The following CCNY variants were observed in gnomAD, a reference collection of about 807,000 sequenced individuals.
The protein encoded by CCNY is cyclin Y.
A neutral mutation model predicts 42.8 loss-of-function variants in CCNY; 19 were observed. The ratio of observed to expected loss-of-function variants is 0.44; its 90% CI spans 0.31 to 0.65. The LOEUF (loss-of-function observed/expected upper bound fraction) is 0.65. CCNY is among the 30% of genes least tolerant of loss of function. CCNY has a pLI of 0.07. For missense variants in CCNY, 370 were observed against 437.3 expected, an observed-to-expected ratio of 0.85 and a Z score of 1.37; for synonymous variants, 165 against 162.7, an observed-to-expected ratio of 1.01 and a Z score of -0.11.
chr10:35,479,074 T>C (rs1208834738), intron 1 of CCNY, among the ~76,000 whole-genome samples: 1 of 151,968 alleles, frequency 6.6e-6, no homozygotes, highest in Non-Finnish European at 1.5e-5. Context: ...TCACACCAGT[T>C]AGAATGGCAA....
At chr10:35,466,404 C>T (rs567206900) in intron 1 of CCNY, among the ~76,000 whole-genome samples, 2 of 152,166 alleles carry the variant, frequency 1.3e-5, no homozygotes, top group South Asian at 4.2e-4. Context: ...AGAAAGTGTG[C>T]GGTGAAGAGA....
chr10:35,375,323 C>T (rs996072799), intron 1 of CCNY, among the ~76,000 whole-genome samples: 1 of 152,130 alleles, frequency 6.6e-6, no homozygotes, highest in East Asian at 1.9e-4. Flanking sequence ...TGGCTTCAGG[C>T]CCTTCCTCCA....
chr10:35,530,570 T>G lies in CCNY; in HGVS notation c.579+327T>G, dbSNP rs1306770714. On this transcript the variant is annotated intron_variant, in intron 7 of 9. Transcript: ENST00000374704. This position sits in a 1 kb window ranked among gnomAD's most constrained non-coding sequence, Gnocchi z 4.3. ...ATGGCCAAGGTACTCCCTGTATACG[T>G]CTAGGTTTCCTGGTGTTGATTCCCT... Among the ~76,000 whole-genome samples the G allele has an allele frequency of 6.6e-6, 1 of 152,164 alleles. No individual in the cohort carries two copies. Among genetic ancestry groups the G allele is most frequent in the East Asian group, 1.9e-4 (1 of 5,194 alleles).
intron 1 of CCNY, among the ~76,000 whole-genome samples, chr10:35,414,740 A>G (rs1201839333): frequency 6.6e-6 from 1 of 152,162 alleles, no homozygotes; most frequent in Non-Finnish European, 1.5e-5. Context: ...GATTCACTTC[A>G]CTATCAGATG....
rs1055729845 is a variant in CCNY at position 35,304,470 on chromosome 10, C to T, written c.-9+53844C>T. On this transcript the variant is annotated intron_variant, in intron 3 of 11. Coordinates refer to the CCNY transcript ENST00000374706. ...GACTACAGGCGCCCGCCACTACGCC[C>T]GGCTAATTTTTTTGTATTTTTAGTA... Among the ~76,000 whole-genome samples the T allele has an allele frequency of 4.6e-4, 50 of 107,550 alleles. 14 individuals carry two copies. Among genetic ancestry groups the T allele is most frequent in the African/African-American group, 2.1e-3 (48 of 22,404 alleles). 70.6% of individuals were successfully genotyped at this position (107,550 alleles called of 152,430 possible).
intron 1 of CCNY, among the ~76,000 whole-genome samples, chr10:35,417,133 G>A (rs951174182): frequency 6.6e-6 from 1 of 152,218 alleles, no homozygotes; most frequent in Non-Finnish European, 1.5e-5. Flanking sequence ...GGCCCTGGCT[G>A]ATTGCAAGGA....
chr10:35,299,922 A>G (rs1198693678), intron 3 of CCNY, among the ~76,000 whole-genome samples: 1 of 152,144 alleles, frequency 6.6e-6, no homozygotes, highest in African/African-American at 2.4e-5. Context: ...TTTTTTAAAA[A>G]CAATTGTTGC....
At chr10:35,432,979 A>G (rs1838446221) in intron 1 of CCNY, among the ~76,000 whole-genome samples, 1 of 152,224 alleles carries the variant, frequency 6.6e-6, no homozygotes, top group African/African-American at 2.4e-5. Flanking sequence ...CATTAGCATT[A>G]CCACCTTGGT....
intron 1 of CCNY, among the ~76,000 whole-genome samples, chr10:35,345,653 T>C (rs1836286426): frequency 6.6e-6 from 1 of 152,172 alleles, no homozygotes; most frequent in African/African-American, 2.4e-5. Context: ...TAATTATGTT[T>C]GGACTGTCCA....
chr10:35,464,796 C>T (rs536383174), intron 1 of CCNY, among the ~76,000 whole-genome samples: 1 of 152,286 alleles, frequency 6.6e-6, no homozygotes, highest in South Asian at 2.1e-4. Context: ...AGTTGATTCT[C>T]CATAAATATT....
chr10:35,556,846 AT>A (rs61540981), intron 8 of CCNY, among the ~76,000 whole-genome samples: 1,679 of 139,174 alleles, frequency 0.012, 16 homozygotes, highest in African/African-American at 0.025. Context: ...TCCTCACTAC[AT>A]TTTTTTTTTT....
chr10:35,473,643 G>A (rs1839436558), intron 1 of CCNY, among the ~76,000 whole-genome samples: 1 of 152,200 alleles, frequency 6.6e-6, no homozygotes, highest in Admixed American at 6.5e-5. Context: ...AACTGTTAGA[G>A]CTGACTTCAG....
At chr10:35,411,553 T>G (rs1173052454) in intron 1 of CCNY, among the ~76,000 whole-genome samples, 1 of 146,436 alleles carries the variant, frequency 6.8e-6, no homozygotes, top group Admixed American at 6.8e-5. Context: ...CAGTGATACA[T>G]GTAAAATGGC....
At chr10:35,533,972 T>TC (rs923626945) in intron 7 of CCNY, among the ~76,000 whole-genome samples, 1 of 152,024 alleles carries the variant, frequency 6.6e-6, no homozygotes, top group African/African-American at 2.4e-5. Context: ...TTTATTATCT[T>TC]CCCCTGCCCC....
At chr10:35,379,806 C>G (rs1391560705) in intron 1 of CCNY, among the ~76,000 whole-genome samples, 1 of 152,190 alleles carries the variant, frequency 6.6e-6, no homozygotes, top group Admixed American at 6.5e-5. Context: ...CCCTTCTTTC[C>G]TTTTACCCTG....
At chr10:35,514,816 T>A (rs1427160441) in intron 3 of CCNY, among the ~76,000 whole-genome samples, 3 of 152,212 alleles carry the variant, frequency 2.0e-5, no homozygotes, top group Non-Finnish European at 2.9e-5. Flanking sequence ...AAAAATTTAA[T>A]TAATTACTGA....
chr10:35,525,189 A>C (rs1840627942), intron 4 of CCNY, among the ~76,000 whole-genome samples: 1 of 152,204 alleles, frequency 6.6e-6, no homozygotes, highest in Non-Finnish European at 1.5e-5. Context: ...TAACATGAAA[A>C]AAGTTAAAAG....
intron 3 of CCNY, among the ~76,000 whole-genome samples, chr10:35,263,582 G>A (rs2095722016): frequency 6.6e-6 from 1 of 151,678 alleles, no homozygotes; most frequent in Admixed American, 6.6e-5. Flanking sequence ...GGGAGGGGAG[G>A]AGAGAGGAAA....
At chr10:35,488,481 T>TGTGTGCAG (rs1490931399) in intron 2 of CCNY, among the ~76,000 whole-genome samples, 2 of 152,194 alleles carry the variant, frequency 1.3e-5, no homozygotes, top group Non-Finnish European at 2.9e-5. Flanking sequence ...GGCTCGTTCG[T>TGTGTGCAG]GTGTGCAGGT....
Sources: allele counts gnomAD v4.1 joint callset (sites outside exome capture counted in the v4.1 genomes callset), GRCh38; gene constraint gnomAD v4.1.1; non-coding constraint Gnocchi (gnomAD v3.1); transcripts MANE v1.5; gene names NCBI Gene and HGNC (gene_info 2026-07-23, HGNC 2026-07-21).